The following TMEM108 variants were observed in gnomAD, a reference collection of about 807,000 sequenced individuals.
TMEM108 encodes the protein transmembrane protein 108.
TMEM108 carries 12 observed loss-of-function variants against 35.1 expected under a neutral mutation model. The ratio of observed to expected loss-of-function variants is 0.34; its 90% CI spans 0.22 to 0.55. TMEM108 has a LOEUF of 0.55. Ranked by LOEUF, TMEM108 falls within the 20% of genes least tolerant of loss-of-function variation. The pLI is 0.89. For synonymous variants in TMEM108, 287 were observed against 308.6 expected (o/e 0.93, Z 0.73); for missense variants, 680 against 753.3 (o/e 0.90, Z 1.14).
chr3:133,190,150 A>G (rs1945478162), intron 2 of TMEM108, among the ~76,000 whole-genome samples: 1 of 152,232 alleles, frequency 6.6e-6, no homozygotes, highest in Non-Finnish European at 1.5e-5. Context: ...ATATCATATG[A>G]AAAGGAAATT....
intron 3 of TMEM108, among the ~76,000 whole-genome samples, chr3:133,300,665 G>C (rs1030473775): frequency 6.6e-6 from 1 of 152,078 alleles, no homozygotes; most frequent in African/African-American, 2.4e-5. Context: ...GACAGGTTTA[G>C]TTTGAATGAT....
At chr3:133,054,910 C>A (rs766354398) in intron 2 of TMEM108, among the ~76,000 whole-genome samples, 1 of 152,200 alleles carries the variant, frequency 6.6e-6, no homozygotes, top group African/African-American at 2.4e-5. Context: ...TAGAGAAATG[C>A]AGCTTTTGTT....
intron 3 of TMEM108, among the ~76,000 whole-genome samples, chr3:133,310,530 CTTTTTTTTTTTTT>C (rs59215786): frequency 4.5e-5 from 1 of 22,250 alleles, no homozygotes; most frequent in East Asian, 2.5e-3. Flanking sequence ...GCAACCCCTG[CTTTTTTTTTTTTT>C]TTTTTTTTTT....
chr3:133,200,253 C>T (rs192105013), intron 2 of TMEM108, among the ~76,000 whole-genome samples: 203 of 152,296 alleles, frequency 1.3e-3, no homozygotes, highest in Non-Finnish European at 2.3e-3. Flanking sequence ...TGCTTATGCT[C>T]GGTAGGCTGC....
At chr3:133,384,732 G>A (rs1205169893) in intron 4 of TMEM108, among the ~76,000 whole-genome samples, 3 of 152,308 alleles carry the variant, frequency 2.0e-5, no homozygotes, top group East Asian at 1.9e-4. Context: ...CATTGTCAGC[G>A]GTCTGAGTTT....
chr3:133,300,458 A>T (rs990329811), intron 3 of TMEM108, among the ~76,000 whole-genome samples: 1 of 152,118 alleles, frequency 6.6e-6, no homozygotes, highest in African/African-American at 2.4e-5. Context: ...ATTTGTTTTC[A>T]TCAGATGTGG....
chr3:133,230,364 T>A (rs1946134790), intron 3 of TMEM108, among the ~76,000 whole-genome samples: 2 of 152,232 alleles, frequency 1.3e-5, no homozygotes, highest in Non-Finnish European at 2.9e-5. Context: ...TCTGCTGAAT[T>A]CTAATCCCTA....
At chr3:133,169,904 A>G (rs1374240362) in intron 2 of TMEM108, among the ~76,000 whole-genome samples, 1 of 152,250 alleles carries the variant, frequency 6.6e-6, no homozygotes, top group Non-Finnish European at 1.5e-5. Flanking sequence ...GAATAACAAC[A>G]GACGATCTCA....
At chr3:133,236,511 T>A (rs1946240014) in intron 3 of TMEM108, among the ~76,000 whole-genome samples, 1 of 152,072 alleles carries the variant, frequency 6.6e-6, no homozygotes, top group Admixed American at 6.6e-5. Flanking sequence ...ATATTACCTG[T>A]CTGTAGATTT....
chr3:133,166,724 C>T (rs886330661), intron 2 of TMEM108, among the ~76,000 whole-genome samples: 2 of 152,206 alleles, frequency 1.3e-5, no homozygotes, highest in Non-Finnish European at 2.9e-5. Context: ...GTGAGTGTTA[C>T]AGCTTATAAA....
At chr3:133,237,731 A>G (rs564624669) in intron 3 of TMEM108, among the ~76,000 whole-genome samples, 39 of 152,332 alleles carry the variant, frequency 2.6e-4, no homozygotes, top group Non-Finnish European at 5.1e-4. Flanking sequence ...GCTGTCTTTC[A>G]TAAGCCAGAC....
At chr3:133,180,742 T>C (rs1270763031) in intron 2 of TMEM108, among the ~76,000 whole-genome samples, 2 of 152,124 alleles carry the variant, frequency 1.3e-5, no homozygotes, top group Non-Finnish European at 2.9e-5. Flanking sequence ...GATCTTCTTT[T>C]GATAGTGATT....
chr3:133,292,832 T>C (rs1559894596), intron 3 of TMEM108, among the ~76,000 whole-genome samples: 1 of 152,314 alleles, frequency 6.6e-6, no homozygotes, highest in East Asian at 1.9e-4. Context: ...TAGAGGATGC[T>C]TGGCTTCCAG....
intron 3 of TMEM108, chr3:133,378,290 T>C: frequency 1.0e-6 from 1 of 962,070 alleles, no homozygotes. Flanking sequence ...ATCCTGGGCC[T>C]TGTGTCAAAG....
chr3:133,162,326 T>C (rs1944972988), intron 2 of TMEM108, among the ~76,000 whole-genome samples: 1 of 152,162 alleles, frequency 6.6e-6, no homozygotes, highest in African/African-American at 2.4e-5. Flanking sequence ...ATTATTTTGT[T>C]TGCAACTACT....
At chr3:133,311,734 G>A (rs564309233) in intron 3 of TMEM108, among the ~76,000 whole-genome samples, 24 of 152,232 alleles carry the variant, frequency 1.6e-4, no homozygotes, top group East Asian at 3.9e-4. Flanking sequence ...GTCATTCTCC[G>A]TCCAGCTTTG....
At chr3:133,276,998 C>G (rs16840165) in intron 3 of TMEM108, among the ~76,000 whole-genome samples, 2,163 of 152,198 alleles carry the variant, frequency 0.014, 61 homozygotes, top group African/African-American at 0.05. Context: ...TTTAGTGCCA[C>G]CCTTTCTAAT....
chr3:133,040,273 G>C (rs1426195093), intron 1 of TMEM108, among the ~76,000 whole-genome samples: 3 of 147,152 alleles, frequency 2.0e-5, no homozygotes, highest in Non-Finnish European at 4.4e-5. Context: ...GTGCGATCTC[G>C]GCTCACTGTA....
At chr3:133,144,590 C>T (rs894838161) in intron 2 of TMEM108, among the ~76,000 whole-genome samples, 1 of 152,200 alleles carries the variant, frequency 6.6e-6, no homozygotes, top group Non-Finnish European at 1.5e-5. Context: ...GTCCTACCAA[C>T]AGTGTAAAAG....
Sources: allele counts gnomAD v4.1 joint callset (sites outside exome capture counted in the v4.1 genomes callset), GRCh38; gene constraint gnomAD v4.1.1; transcripts MANE v1.5; gene names NCBI Gene and HGNC (gene_info 2026-07-23, HGNC 2026-07-21).